The following PPARGC1A variants were observed in gnomAD, a reference collection of about 807,000 sequenced individuals.
The protein encoded by PPARGC1A is PPARG coactivator 1 alpha.
A neutral mutation model predicts 88.7 loss-of-function variants in PPARGC1A; 25 were observed. That is an observed-to-expected ratio of 0.28 (90% confidence interval 0.21 to 0.39). The LOEUF is 0.39. PPARGC1A is among the 10% of genes least tolerant of loss of function. The pLI, the probability that PPARGC1A is intolerant of heterozygous loss-of-function variation, is 1.00. For missense variants in PPARGC1A, 880 were observed against 968.7 expected (o/e 0.91, Z 1.22); for synonymous variants, 363 against 355.6 (o/e 1.02, Z -0.24).
the PPARGC1A span, among the ~76,000 whole-genome samples, chr4:23,971,057 C>T: frequency 6.6e-6 from 1 of 152,146 alleles, no homozygotes; most frequent in Admixed American, 6.5e-5. Flanking sequence ...TAACATGGCA[C>T]AGCAGAGGGC....
intron 1 of PPARGC1A, among the ~76,000 whole-genome samples, chr4:23,888,152 G>A (rs374638906): frequency 2.0e-5 from 3 of 152,200 alleles, no homozygotes; most frequent in South Asian, 2.1e-4. Flanking sequence ...TCCCAGAGCC[G>A]CTGCCATGTA....
the PPARGC1A span, among the ~76,000 whole-genome samples, chr4:24,370,036 C>T: frequency 6.6e-6 from 1 of 152,226 alleles, no homozygotes; most frequent in Non-Finnish European, 1.5e-5. Context: ...CATTAAACTT[C>T]TAAGACTTAA....
At chr4:23,995,578 G>C in the PPARGC1A span, among the ~76,000 whole-genome samples, 2 of 152,124 alleles carry the variant, frequency 1.3e-5, no homozygotes, top group Non-Finnish European at 2.9e-5. Flanking sequence ...CCAACTGCGT[G>C]TACCTCCTCT....
chr4:24,252,405 T>G, the PPARGC1A span, among the ~76,000 whole-genome samples: 1 of 152,192 alleles, frequency 6.6e-6, no homozygotes, highest in Non-Finnish European at 1.5e-5. Context: ...TCAGTTGTGT[T>G]TCTGCCTTTC....
chr4:23,927,964 C>T, the PPARGC1A span, among the ~76,000 whole-genome samples: 1 of 152,086 alleles, frequency 6.6e-6, no homozygotes, highest in Non-Finnish European at 1.5e-5. Context: ...GTTACTAGAT[C>T]GTGAAGCAGT....
chr4:24,458,172 T>C, the PPARGC1A span, among the ~76,000 whole-genome samples: 1 of 152,180 alleles, frequency 6.6e-6, no homozygotes, highest in African/African-American at 2.4e-5. Flanking sequence ...GTATGGTTGT[T>C]AAAAAGGGTT....
the PPARGC1A span, among the ~76,000 whole-genome samples, chr4:23,963,447 T>C: frequency 7.9e-5 from 12 of 152,218 alleles, no homozygotes; most frequent in African/African-American, 2.9e-4. Flanking sequence ...GTTGATCTAA[T>C]TTACATGTCT....
chr4:24,405,754 CA>C, the PPARGC1A span, among the ~76,000 whole-genome samples: 2 of 150,808 alleles, frequency 1.3e-5, no homozygotes, highest in Non-Finnish European at 3.0e-5. Flanking sequence ...CATTAGAGGA[CA>C]AAAAAAAATC....
chr4:23,994,220 T>C, the PPARGC1A span, among the ~76,000 whole-genome samples: 4 of 152,112 alleles, frequency 2.6e-5, no homozygotes, highest in Non-Finnish European at 5.9e-5. Flanking sequence ...ATGTAATTCC[T>C]GTGTTGTAGG....
the PPARGC1A span, among the ~76,000 whole-genome samples, chr4:24,116,524 G>A: frequency 1.6e-4 from 25 of 152,252 alleles, no homozygotes; most frequent in African/African-American, 5.8e-4. Context: ...TAATTCACTC[G>A]AGGCTTAAGA....
At chr4:23,906,339 G>A (rs34135934), upstream of PPARGC1A, among the ~76,000 whole-genome samples, 21,020 of 151,868 alleles carry the variant, frequency 0.14, 1,809 homozygotes, top group East Asian at 0.38. Flanking sequence ...CCAGCCGGGC[G>A]CGGTGGCTCA....
At chr4:24,330,879 A>AAAACTTTTTCCATTT in the PPARGC1A span, among the ~76,000 whole-genome samples, 2 of 152,060 alleles carry the variant, frequency 1.3e-5, no homozygotes, top group African/African-American at 4.8e-5. Context: ...TCCAAGACAT[A>AAAACTTTTTCCATTT]GTCTCTACTG....
chr4:23,892,441 A>ATT (rs5856798), upstream of PPARGC1A, among the ~76,000 whole-genome samples: 60,540 of 150,240 alleles, frequency 0.4, 12,839 homozygotes, highest in African/African-American at 0.54. Context: ...TTTCCACGAT[A>ATT]TTTTTTTTTT....
At chr4:24,076,725 G>A in the PPARGC1A span, among the ~76,000 whole-genome samples, 1,523 of 152,180 alleles carry the variant, frequency 0.01, 10 homozygotes, top group Non-Finnish European at 0.017. Context: ...ATCCCACCAG[G>A]TTGTTGCATC....
the PPARGC1A span, among the ~76,000 whole-genome samples, chr4:24,171,451 C>G: frequency 1.3e-5 from 2 of 151,852 alleles, no homozygotes; most frequent in African/African-American, 4.8e-5. Flanking sequence ...AACACTCTAT[C>G]TTCTTTCACT....
chr4:23,832,915 G>A (rs1725306531), intron 2 of PPARGC1A, among the ~76,000 whole-genome samples: 1 of 140,852 alleles, frequency 7.1e-6, no homozygotes, highest in African/African-American at 2.5e-5. Context: ...CGGCCCCAGT[G>A]CACTATTATT....
At chr4:24,244,880 G>C in the PPARGC1A span, among the ~76,000 whole-genome samples, 1 of 152,162 alleles carries the variant, frequency 6.6e-6, no homozygotes, top group African/African-American at 2.4e-5. Context: ...CTGCCAACTT[G>C]TGACCTTCTA....
intron 2 of PPARGC1A, among the ~76,000 whole-genome samples, chr4:23,838,250 G>C (rs1003205308): frequency 2.6e-5 from 4 of 151,968 alleles, no homozygotes; most frequent in Non-Finnish European, 5.9e-5. Context: ...ATCCACTGTG[G>C]GTTTTGTTTT....
chr4:24,195,228 C>T, the PPARGC1A span, among the ~76,000 whole-genome samples: 3 of 152,258 alleles, frequency 2.0e-5, no homozygotes, highest in African/African-American at 7.2e-5. Context: ...TAAGGCTTAG[C>T]TTTCTTACCT....
Sources: gnomAD v4.1 joint callset for allele counts (sites outside exome capture counted in the v4.1 genomes callset) on GRCh38, gnomAD v4.1.1 for gene constraint, MANE v1.5 for transcripts, NCBI Gene and HGNC (gene_info 2026-07-23, HGNC 2026-07-21) for gene names.